Variants in FOXJ3 observed in about 807,000 individuals in gnomAD.
FOXJ3 encodes forkhead box protein J3.
A neutral mutation model predicts 76.1 loss-of-function variants in FOXJ3; 22 were observed. That is an observed-to-expected ratio of 0.29 (90% confidence interval 0.21 to 0.41). The LOEUF (loss-of-function observed/expected upper bound fraction) is 0.41. Ranked by LOEUF, FOXJ3 falls within the 10% of genes least tolerant of loss-of-function variation. The pLI, the probability that FOXJ3 is intolerant of heterozygous loss-of-function variation, is 1.00. For missense variants in FOXJ3, 613 were observed against 762.1 expected (o/e 0.80, Z 2.30); for synonymous variants, 269 against 261.2 (o/e 1.03, Z -0.29).
At chr1:42,254,333 G>T (rs1650385694) in intron 4 of FOXJ3, among the ~76,000 whole-genome samples, 1 of 148,538 alleles carries the variant, frequency 6.7e-6, no homozygotes, top group African/African-American at 2.5e-5. Context: ...TGGAGAGGAT[G>T]TGGAGAAATA....
At chr1:42,299,299 T>C (rs1653980845) in intron 2 of FOXJ3, among the ~76,000 whole-genome samples, 1 of 152,164 alleles carries the variant, frequency 6.6e-6, no homozygotes, top group South Asian at 2.1e-4. Flanking sequence ...TGGTGTGGAG[T>C]GCATATATAT....
chr1:42,253,994 A>G (rs1481958602), intron 4 of FOXJ3, among the ~76,000 whole-genome samples: 1 of 151,018 alleles, frequency 6.6e-6, no homozygotes, highest in Admixed American at 6.6e-5. Context: ...GCTTCTGCAC[A>G]GCAAAAGAAA....
intron 5 of FOXJ3, among the ~76,000 whole-genome samples, chr1:42,214,446 T>A (rs1647026632): frequency 6.6e-6 from 1 of 152,204 alleles, no homozygotes; most frequent in Non-Finnish European, 1.5e-5. Context: ...TCTAATCTGG[T>A]GGCACCAGTT....
chr1:42,197,033 G>GA (rs1646664597), intron 7 of FOXJ3, among the ~76,000 whole-genome samples: 1 of 151,934 alleles, frequency 6.6e-6, no homozygotes, highest in African/African-American at 2.4e-5. Context: ...TTTTTTTCAG[G>GA]AAAGACACAT....
intron 12 of FOXJ3, 93 bp downstream of exon 12, chr1:42,181,824 C>T: frequency 3.9e-6 from 3 of 778,390 alleles, no homozygotes; most frequent in Non-Finnish European, 4.2e-6. Flanking sequence ...CACACACACA[C>T]ACACTCTCTC....
At chr1:42,232,802 G>C (rs1474788030) in intron 4 of FOXJ3, among the ~76,000 whole-genome samples, 1 of 152,164 alleles carries the variant, frequency 6.6e-6, no homozygotes, top group Non-Finnish European at 1.5e-5. Context: ...AGTTTAATTA[G>C]ATCCCATTTG....
In FOXJ3 at chr1:42,179,766, G is replaced by A. The variant is rs780372538; in HGVS notation, c.1813C>T (p.Arg605Cys). The A allele has an allele frequency of 3.7e-6, 6 of 1,614,020 alleles. No individual in the cohort carries two copies. Among genetic ancestry groups the A allele is most frequent in the Non-Finnish European group, 4.2e-6 (5 of 1,179,928 alleles). The change falls in exon 13 of 13, where the codon CGT becomes TGT. Residue 605 changes from arginine (R) to cysteine (C), a missense_variant. Arg to Cys is a radical substitution (Grantham distance 180). Around this residue, in one of 3 missense-constraint regions of FOXJ3, gnomAD observed 526 missense variants for 601.4 expected, o/e 0.87. Coordinates refer to ENST00000361346, the MANE Select transcript of FOXJ3 (RefSeq NM_014947.5). ...MMPSQAFQMR[R>C]SLPPDDIQDD... ...TGGATGTCATCTGGAGGCAGGGAACGCCGCATCTGGAAGGCTTGGGAAGGC... is the reference window on the plus strand; with the variant it reads ...TGGATGTCATCTGGAGGCAGGGAACACCGCATCTGGAAGGCTTGGGAAGGC...
chr1:42,320,887 T>G (rs1655393275), intron 1 of FOXJ3, among the ~76,000 whole-genome samples: 1 of 152,200 alleles, frequency 6.6e-6, no homozygotes, highest in South Asian at 2.1e-4. Flanking sequence ...CCCTGGATCC[T>G]GTATCTTTAT....
At chr1:42,217,309 T>C (rs1294455395) in intron 5 of FOXJ3, among the ~76,000 whole-genome samples, 2 of 152,078 alleles carry the variant, frequency 1.3e-5, no homozygotes, top group Non-Finnish European at 2.9e-5. Flanking sequence ...GGGTGGCGGA[T>C]CACAAGATCA....
intron 3 of FOXJ3, among the ~76,000 whole-genome samples, chr1:42,271,750 G>A (rs2124649693): frequency 6.6e-6 from 1 of 152,138 alleles, no homozygotes; most frequent in South Asian, 2.1e-4. Context: ...CTGGGCTCTA[G>A]TAATCCTTCC....
At chr1:42,189,206 A>G in intron 10 of FOXJ3, 97 bp downstream of exon 10, 2 of 846,176 alleles carry the variant, frequency 2.4e-6, no homozygotes, top group East Asian at 5.1e-5. Flanking sequence ...AATGCTATAT[A>G]AGATGATGTT....
chr1:42,252,013 G>C (rs368759266), intron 4 of FOXJ3, among the ~76,000 whole-genome samples: 1 of 151,996 alleles, frequency 6.6e-6, no homozygotes, highest in African/African-American at 2.4e-5. Flanking sequence ...CACCGCGCCC[G>C]GCCGGTTTGC....
At chr1:42,310,591 G>C (rs892478671) in intron 2 of FOXJ3, among the ~76,000 whole-genome samples, 1 of 151,664 alleles carries the variant, frequency 6.6e-6, no homozygotes, top group African/African-American at 2.4e-5. Flanking sequence ...GGGATTACAG[G>C]TGTGAGCCAC....
intron 1 of FOXJ3, among the ~76,000 whole-genome samples, chr1:42,329,156 G>A (rs1656012166): frequency 6.6e-6 from 1 of 152,122 alleles, no homozygotes; most frequent in African/African-American, 2.4e-5. Flanking sequence ...AACTACAAAA[G>A]GTTACTTAAA....
At chr1:42,189,044 T>C in intron 10 of FOXJ3, 116 bp from the exon 11 acceptor site, 2 of 655,816 alleles carry the variant, frequency 3.0e-6, no homozygotes, top group Non-Finnish European at 5.1e-6. Context: ...CACTTTATGG[T>C]AGTGATTTAT....
chr1:42,293,848 CTG>C (rs60885332), intron 2 of FOXJ3, among the ~76,000 whole-genome samples: 3,641 of 152,230 alleles, frequency 0.024, 147 homozygotes, highest in African/African-American at 0.084. Flanking sequence ...GTTAATAAAA[CTG>C]TGAAGAAATG....
At chr1:42,186,407 T>A (rs1231780550) in intron 11 of FOXJ3, among the ~76,000 whole-genome samples, 1 of 151,984 alleles carries the variant, frequency 6.6e-6, no homozygotes, top group East Asian at 1.9e-4. Flanking sequence ...AAGAATTGAA[T>A]AAACACTGAA....
intron 5 of FOXJ3, among the ~76,000 whole-genome samples, chr1:42,213,025 G>C (rs977956454): frequency 8.6e-5 from 12 of 138,826 alleles, no homozygotes; most frequent in South Asian, 4.5e-4. Flanking sequence ...TCTCAGAAAA[G>C]GAAATGCTAA....
intron 1 of FOXJ3, among the ~76,000 whole-genome samples, chr1:42,333,932 A>G (rs1656308611): frequency 6.6e-6 from 1 of 152,206 alleles, no homozygotes; most frequent in Non-Finnish European, 1.5e-5. Context: ...TAGAAGGAAG[A>G]AAACACACAC....
Sources: allele counts gnomAD v4.1 joint callset (sites outside exome capture counted in the v4.1 genomes callset), GRCh38; gene constraint gnomAD v4.1.1; regional missense constraint gnomAD v4.1.1; transcripts MANE v1.5; gene names NCBI Gene and HGNC (gene_info 2026-07-23, HGNC 2026-07-21).